The following CD82 variants were observed in gnomAD, a reference collection of about 807,000 sequenced individuals.
The protein encoded by CD82 is CD82 antigen.
A neutral mutation model predicts 37.4 loss-of-function variants in CD82; 36 were observed. The ratio of observed to expected loss-of-function variants is 0.96; its 90% CI spans 0.74 to 1.27. The LOEUF is 1.27. Ranked by LOEUF, CD82 falls within the 50% of genes most tolerant of loss-of-function variation. CD82 has a pLI of 0.00. For missense variants in CD82, 340 were observed against 347.0 expected (o/e 0.98, Z 0.16); for synonymous variants, 158 against 137.4 (o/e 1.15, Z -1.05).
intron 2 of CD82, among the ~76,000 whole-genome samples, chr11:44,588,291 T>C (rs1226668376): frequency 6.6e-6 from 1 of 151,896 alleles, no homozygotes; most frequent in Non-Finnish European, 1.5e-5. Context: ...AGGTGCGATC[T>C]TGGCTCACTG....
chr11:44,568,814 C>T (rs1305599440), intron 1 of CD82, among the ~76,000 whole-genome samples: 1 of 152,224 alleles, frequency 6.6e-6, no homozygotes, highest in East Asian at 1.9e-4. Flanking sequence ...ACCTGTTCCC[C>T]TAAGGACCAG....
intron 2 of CD82, among the ~76,000 whole-genome samples, chr11:44,588,352 T>C (rs1196792969): frequency 1.3e-5 from 2 of 152,038 alleles, no homozygotes; most frequent in East Asian, 3.9e-4. Flanking sequence ...GCCTCCCAAG[T>C]AGCCGGGACT....
intron 5 of CD82, 39 bp from the exon 6 acceptor site, chr11:44,605,316 G>A: frequency 1.2e-6 from 2 of 1,613,082 alleles, no homozygotes; most frequent in Non-Finnish European, 1.7e-6. Flanking sequence ...ACCTGGTCGG[G>A]GACCCTCAGC....
At chr11:44,570,235 G>A (rs919637796) in intron 1 of CD82, among the ~76,000 whole-genome samples, 2 of 152,174 alleles carry the variant, frequency 1.3e-5, no homozygotes, top group African/African-American at 4.8e-5. Context: ...AACATCTCTG[G>A]CTGCCTTTCC....
chr11:44,586,953 A>C (rs1335104614), intron 1 of CD82, among the ~76,000 whole-genome samples: 1 of 152,136 alleles, frequency 6.6e-6, no homozygotes, highest in Non-Finnish European at 1.5e-5. Context: ...ATGCAGATAC[A>C]CTAGTGAACA....
chr11:44,610,177 A>G (rs988132342), intron 6 of CD82, among the ~76,000 whole-genome samples: 1 of 152,216 alleles, frequency 6.6e-6, no homozygotes, highest in African/African-American at 2.4e-5. Context: ...GGGCGGGCAC[A>G]GGAGCCCGAA....
intron 1 of CD82, among the ~76,000 whole-genome samples, chr11:44,567,437 C>T (rs1012282154): frequency 1.3e-5 from 2 of 150,796 alleles, no homozygotes; most frequent in Non-Finnish European, 3.0e-5. Context: ...ACTTGAGAAG[C>T]CAGGGCAGGG....
chr11:44,573,909 T>C (rs1852850543), intron 1 of CD82, among the ~76,000 whole-genome samples: 1 of 152,180 alleles, frequency 6.6e-6, no homozygotes, highest in South Asian at 2.1e-4. Context: ...GCTGGTAAAA[T>C]GCTTCGTGGC....
At chr11:44,613,128 A>G (rs899355211) in intron 6 of CD82, among the ~76,000 whole-genome samples, 8 of 152,182 alleles carry the variant, frequency 5.3e-5, no homozygotes, top group African/African-American at 1.9e-4. Context: ...ATTTCTCCCA[A>G]TTCTTCCTTC....
chr11:44,615,686 A>T (rs1450193535), intron 7 of CD82, among the ~76,000 whole-genome samples: 1 of 152,176 alleles, frequency 6.6e-6, no homozygotes, highest in African/African-American at 2.4e-5. Context: ...GGGTTTTAGG[A>T]AACTGGGAGC....
intron 1 of CD82, among the ~76,000 whole-genome samples, chr11:44,567,543 C>T (rs928181077): frequency 6.6e-6 from 1 of 152,000 alleles, no homozygotes; most frequent in Admixed American, 6.5e-5. Context: ...AACATGGGAC[C>T]ACAGTCTCTT....
At chr11:44,584,709 A>G (rs1853028587) in intron 1 of CD82, among the ~76,000 whole-genome samples, 1 of 152,118 alleles carries the variant, frequency 6.6e-6, no homozygotes, top group Non-Finnish European at 1.5e-5. Context: ...ATCAACAATA[A>G]GAGTAAGACC....
rs556493581 is a variant in CD82, at chr11:44,599,395, G to C, written c.64-763G>C. Reference sequence around the variant, plus strand: ...CTGGGCTCAAGTGATCCTCCTGCCTGGGCCTCACAAAGTGTTGGGATTACA... The same window carrying C: ...CTGGGCTCAAGTGATCCTCCTGCCTCGGCCTCACAAAGTGTTGGGATTACA... On this transcript the variant is annotated intron_variant, in intron 3 of 9. Coordinates refer to ENST00000227155, the MANE Select transcript of CD82 (RefSeq NM_002231.4). Among the ~76,000 whole-genome samples the C allele has an allele frequency of 2.0e-5, 3 of 152,352 alleles. No individual in the cohort carries two copies. In the East Asian group the frequency reaches 5.8e-4, roughly 29 times the overall value.
At chr11:44,613,508 G>A (rs1189047318) in intron 6 of CD82, among the ~76,000 whole-genome samples, 4 of 152,220 alleles carry the variant, frequency 2.6e-5, no homozygotes. Context: ...TCCTGAGCAG[G>A]GTGAGGACCA....
intron 6 of CD82, among the ~76,000 whole-genome samples, chr11:44,609,966 G>A (rs1005604192): frequency 2.0e-5 from 3 of 152,194 alleles, no homozygotes; most frequent in Admixed American, 6.5e-5. Context: ...TGCAGGAAGC[G>A]CCCTCATTTC....
In CD82 at chr11:44,605,139, G is replaced by T; in HGVS notation, c.218G>T (p.Gly73Val). The T allele has an allele frequency of 1.2e-6, 2 of 1,614,182 alleles. No homozygotes were observed. The highest frequency in any genetic ancestry group is 1.7e-6 in the Non-Finnish European group (2 of 1,180,026). Residue 73 changes from glycine to valine, a missense_variant, in exon 5 of 10, where the codon GGC (glycine) becomes GTC (valine). By Grantham distance (109) the Gly-to-Val change is moderately radical. Coordinates refer to ENST00000227155, the MANE Select transcript of CD82 (RefSeq NM_002231.4). ...GTCACTATGCTCATGGGCTTCCTGG[G>T]CTGCATCGGCGCCGTCAACGAGGTC... ...GAVTMLMGFL[G>V]CIGAVNEVRC...
At chr11:44,565,155 G>A (rs1321698721), upstream of CD82, among the ~76,000 whole-genome samples, 2 of 152,094 alleles carry the variant, frequency 1.3e-5, no homozygotes, top group African/African-American at 4.8e-5. Flanking sequence ...CGCCCGAGAT[G>A]AGAGGGGCAG....
intron 2 of CD82, among the ~76,000 whole-genome samples, chr11:44,589,197 C>A (rs566222307): frequency 1.1e-3 from 165 of 152,304 alleles, no homozygotes; most frequent in African/African-American, 4.0e-3. Context: ...CGGAGGTTGC[C>A]ATGAGCCAAG....
At chr11:44,596,362 C>G (rs1347828241) in intron 3 of CD82, among the ~76,000 whole-genome samples, 1 of 152,262 alleles carries the variant, frequency 6.6e-6, no homozygotes, top group African/African-American at 2.4e-5. Context: ...TAGCTCTATC[C>G]CTGGGGGCTT....
Sources: allele counts gnomAD v4.1 joint callset (sites outside exome capture counted in the v4.1 genomes callset), GRCh38; gene constraint gnomAD v4.1.1; transcripts MANE v1.5; gene names NCBI Gene and HGNC (gene_info 2026-07-23, HGNC 2026-07-21).